Variants in MACF1 observed in about 807,000 individuals in gnomAD.
MACF1 encodes microtubule-actin cross-linking factor 1.
MACF1 carries 193 observed loss-of-function variants against 854.8 expected under a neutral mutation model. That is an observed-to-expected ratio of 0.23 (90% confidence interval 0.20 to 0.25). The LOEUF (loss-of-function observed/expected upper bound fraction) is 0.25. Ranked by LOEUF, MACF1 falls within the 10% of genes least tolerant of loss-of-function variation. The probability of loss-of-function intolerance (pLI) is 1.00; values close to 1 mark genes in which losing one functional copy is unlikely to be tolerated. For missense variants in MACF1, 7,722 were observed against 8,929.1 expected (o/e 0.86, Z 5.45); for synonymous variants, 3,185 against 3,226.7 (o/e 0.99, Z 0.44).
At chr1:39,338,879 T>A (rs74066750) in intron 38 of MACF1, among the ~76,000 whole-genome samples, 2 of 152,214 alleles carry the variant, frequency 1.3e-5, no homozygotes, top group African/African-American at 4.8e-5. Context: ...GTCAGCTTTT[T>A]AGGGCATTAC....
chr1:39,132,083 C>G (rs1488908903), intron 2 of MACF1, among the ~76,000 whole-genome samples: 1 of 152,230 alleles, frequency 6.6e-6, no homozygotes, highest in Non-Finnish European at 1.5e-5. Context: ...CTGCCCATTT[C>G]CCTCAAATGG....
rs796568684 is a variant in MACF1 at position 39,329,957 on chromosome 1, C to T, written c.4615-1246C>T. Among the ~76,000 whole-genome samples, 19 of 152,286 alleles carry T rather than the reference C, an allele frequency of 1.2e-4. 1 individual carries two copies. The highest frequency in any genetic ancestry group is 4.6e-4 in the African/African-American group (19 of 41,562). ...AGGACAAACAAGATTTAGAATCAGA[C>T]CTTGATTTGTTTCTGGAACTCACTA... On this transcript the variant is annotated intron_variant, in intron 36 of 100. Coordinates refer to ENST00000564288, the MANE Select transcript of MACF1 (RefSeq NM_001394062.1).
At chr1:39,087,980 T>C (rs1641715687) in intron 2 of MACF1, among the ~76,000 whole-genome samples, 1 of 149,360 alleles carries the variant, frequency 6.7e-6, no homozygotes, top group Admixed American at 6.7e-5. Context: ...TTTTTTTTTT[T>C]GGAGATGGAG....
At chr1:39,262,608 C>T (rs1645177098) in intron 6 of MACF1, among the ~76,000 whole-genome samples, 1 of 152,054 alleles carries the variant, frequency 6.6e-6, no homozygotes, top group African/African-American at 2.4e-5. Flanking sequence ...CTAGTAACAA[C>T]TTATTATAAT....
At chr1:39,206,979 CT>C (rs59332415) in intron 1 of MACF1, 5,596 of 140,530 alleles carry the variant, frequency 0.04, 259 homozygotes, top group African/African-American at 0.12. Context: ...CTGATGTAGT[CT>C]TTTTTTTTTT....
chr1:39,470,962 T>A (rs1003980590), intron 97 of MACF1, among the ~76,000 whole-genome samples: 1 of 152,182 alleles, frequency 6.6e-6, no homozygotes, highest in African/African-American at 2.4e-5. Flanking sequence ...TATCTTAGTA[T>A]CTAAAATTTG....
chr1:39,267,057 A>G (rs1645241975), intron 6 of MACF1, among the ~76,000 whole-genome samples: 1 of 152,154 alleles, frequency 6.6e-6, no homozygotes, highest in Non-Finnish European at 1.5e-5. Flanking sequence ...CAGTGGGGGA[A>G]CTTCTTATTT....
chr1:39,429,427 A>G (rs757023195), intron 64 of MACF1, 101 bp downstream of exon 64: 5 of 706,532 alleles, frequency 7.1e-6, no homozygotes, highest in Non-Finnish European at 1.2e-5. Context: ...TTATGTATAT[A>G]TGAGAAGCTT....
At chr1:39,185,368 G>A (rs1218907765) in intron 2 of MACF1, among the ~76,000 whole-genome samples, 1 of 152,018 alleles carries the variant, frequency 6.6e-6, no homozygotes, top group South Asian at 2.1e-4. Context: ...GCTCACACCT[G>A]TAGTTCTAGC....
chr1:39,281,486 A>T (rs1051990900), intron 6 of MACF1, among the ~76,000 whole-genome samples: 2 of 151,968 alleles, frequency 1.3e-5, no homozygotes, highest in Non-Finnish European at 2.9e-5. Context: ...TTTTCTTTGT[A>T]AAACTTTTTT....
intron 2 of MACF1, among the ~76,000 whole-genome samples, chr1:39,131,151 C>CCT: frequency 2.4e-5 from 1 of 42,382 alleles, no homozygotes; most frequent in African/African-American, 9.4e-5. Flanking sequence ...TGCGCCCGGC[C>CCT]TTTTTTTTTT....
intron 2 of MACF1, among the ~76,000 whole-genome samples, chr1:39,176,909 C>T (rs1210176056): frequency 6.6e-6 from 1 of 152,120 alleles, no homozygotes; most frequent in African/African-American, 2.4e-5. Context: ...TAGTAAGATC[C>T]TTGAATTGTG....
intron 6 of MACF1, among the ~76,000 whole-genome samples, chr1:39,263,800 G>T (rs2148349523): frequency 7.8e-6 from 1 of 128,588 alleles, no homozygotes. Context: ...TTGAGACGGA[G>T]TCTCACTCTG....
At chr1:39,368,987 G>T (rs1333204658) in intron 50 of MACF1, among the ~76,000 whole-genome samples, 1 of 150,156 alleles carries the variant, frequency 6.7e-6, no homozygotes, top group Admixed American at 6.6e-5. Flanking sequence ...GGTGATGTTG[G>T]CAGTCCCCTG....
At chr1:39,217,786 C>T (rs976075764) in intron 1 of MACF1, among the ~76,000 whole-genome samples, 6 of 149,406 alleles carry the variant, frequency 4.0e-5, no homozygotes, top group Admixed American at 6.7e-5. Flanking sequence ...GGGTTGGGGG[C>T]GCGGCTGAGG....
intron 2 of MACF1, among the ~76,000 whole-genome samples, chr1:39,132,347 G>A (rs538737422): frequency 9.8e-6 from 1 of 102,238 alleles, no homozygotes; most frequent in South Asian, 4.6e-4. Context: ...TTCTCTGGGT[G>A]TTGTGCAAGC....
intron 58 of MACF1, chr1:39,411,029 C>T: frequency 1.2e-6 from 2 of 1,614,004 alleles, no homozygotes; most frequent in East Asian, 4.5e-5. Flanking sequence ...TCCAGATTCT[C>T]AAGTGCAACC....
intron 2 of MACF1, among the ~76,000 whole-genome samples, chr1:39,197,541 G>A (rs192620039): frequency 8.4e-4 from 128 of 152,286 alleles, no homozygotes; most frequent in African/African-American, 2.8e-3. Context: ...AATAGGGCAG[G>A]GAAATGGCTT....
chr1:39,285,779 A>G (rs1645630284), intron 14 of MACF1, 21 bp downstream of exon 14: 10 of 1,611,508 alleles, frequency 6.2e-6, no homozygotes, highest in Non-Finnish European at 7.6e-6. Flanking sequence ...AGGGACTCAA[A>G]TGGAGGGCTT....
Sources: allele counts gnomAD v4.1 joint callset (sites outside exome capture counted in the v4.1 genomes callset), GRCh38; gene constraint gnomAD v4.1.1; transcripts MANE v1.5; gene names NCBI Gene and HGNC (gene_info 2026-07-23, HGNC 2026-07-21).